TBL1X: variants seen among roughly 807,000 people sequenced by gnomAD.
TBL1X encodes transducin beta like 1 X-linked.
Under a neutral mutation model 50.7 loss-of-function variants are expected in TBL1X, and 10 were observed. That is an observed-to-expected ratio of 0.20 (90% CI 0.12 to 0.33). The LOEUF is 0.33. Among genes scored for constraint, TBL1X ranks in the 10% least tolerant of loss-of-function variants. The pLI is 1.00. For synonymous variants in TBL1X, 190 were observed against 214.7 expected (o/e 0.88, Z 1.01); for missense variants, 340 against 504.4 (o/e 0.67, Z 3.12).
chrX:9,580,558 G>C (rs1480804764), intron 2 of TBL1X, among the ~76,000 whole-genome samples: 1 of 111,567 alleles, frequency 9.0e-6, no homozygotes, highest in Non-Finnish European at 1.9e-5. Context: ...TTCCCAGCTG[G>C]ATTTTCCCTT....
chrX:9,579,853 T>A (rs1188359348), intron 2 of TBL1X, among the ~76,000 whole-genome samples: 2 of 111,144 alleles, frequency 1.8e-5, no homozygotes, highest in Non-Finnish European at 1.9e-5. Context: ...CGTGATAGAA[T>A]GTCCAAGAAA....
At chrX:9,569,272 CTATCTGTGCAG>C (rs1194587522) in intron 2 of TBL1X, among the ~76,000 whole-genome samples, 2 of 94,905 alleles carry the variant, frequency 2.1e-5, no homozygotes, top group Non-Finnish European at 4.2e-5. Context: ...GTGTGTGTGT[CTATCTGTGCAG>C]TATCTGTGCA....
At chrX:9,547,064 C>A (rs774191118) in intron 2 of TBL1X, among the ~76,000 whole-genome samples, 1 of 109,255 alleles carries the variant, frequency 9.2e-6, no homozygotes, top group African/African-American at 3.3e-5. Flanking sequence ...GTGATCCGCC[C>A]GCCTCGGCCT....
intron 2 of TBL1X, among the ~76,000 whole-genome samples, chrX:9,593,113 C>G: frequency 9.0e-6 from 1 of 111,420 alleles, no homozygotes; most frequent in Non-Finnish European, 1.9e-5. Context: ...TAATAATGTT[C>G]ACCTGGGGTC....
At chrX:9,508,746 A>ACTATG (rs1443916251) in intron 2 of TBL1X, among the ~76,000 whole-genome samples, 1 of 112,177 alleles carries the variant, frequency 8.9e-6, no homozygotes, top group African/African-American at 3.2e-5. Flanking sequence ...ATCATGGAAT[A>ACTATG]CTATGCAGCC....
chrX:9,505,130 G>A (rs958939202), intron 2 of TBL1X, among the ~76,000 whole-genome samples: 14 of 111,995 alleles, frequency 1.3e-4, no homozygotes, highest in African/African-American at 4.2e-4. Flanking sequence ...AACTCTACAA[G>A]CCAGAAGAGA....
At chrX:9,476,402 C>T (rs1413981760) in intron 1 of TBL1X, among the ~76,000 whole-genome samples, 1 of 112,463 alleles carries the variant, frequency 8.9e-6, no homozygotes, top group African/African-American at 3.2e-5. Flanking sequence ...AACTGGAATC[C>T]TCTCCTGTCT....
intron 2 of TBL1X, among the ~76,000 whole-genome samples, chrX:9,590,131 T>C (rs762979036): frequency 8.9e-6 from 1 of 112,018 alleles, no homozygotes; most frequent in African/African-American, 3.2e-5. Flanking sequence ...GTGCTGACTA[T>C]AGGAATGTGG....
chrX:9,476,266 G>A (rs969964609), intron 1 of TBL1X, among the ~76,000 whole-genome samples: 1 of 111,764 alleles, frequency 8.9e-6, no homozygotes, highest in African/African-American at 3.3e-5. Flanking sequence ...GTATATTTGG[G>A]AATATACCTT....
intron 5 of TBL1X, among the ~76,000 whole-genome samples, chrX:9,666,130 CCT>C (rs1014031071): frequency 9.0e-6 from 1 of 111,563 alleles, no homozygotes; most frequent in Non-Finnish European, 1.9e-5. Context: ...ATTGCATTCC[CCT>C]CTTTTTGGGG....
chrX:9,482,140 A>G (rs1232110205), intron 1 of TBL1X, among the ~76,000 whole-genome samples: 1 of 112,038 alleles, frequency 8.9e-6, no homozygotes, highest in Non-Finnish European at 1.9e-5. Flanking sequence ...ACAAGTCCCA[A>G]ACTAATGCTT....
intron 2 of TBL1X, among the ~76,000 whole-genome samples, chrX:9,608,898 G>A (rs1227853484): frequency 9.1e-6 from 1 of 110,014 alleles, no homozygotes; most frequent in Non-Finnish European, 1.9e-5. Context: ...AGGTTAAGTG[G>A]AGGCCTTGGG....
chrX:9,705,397 AG>A (rs1349248496), intron 13 of TBL1X, among the ~76,000 whole-genome samples: 1 of 111,751 alleles, frequency 8.9e-6, no homozygotes, highest in Non-Finnish European at 1.9e-5. Context: ...CATCAAGGAA[AG>A]GATGCTCACA....
At chrX:9,569,566 C>G (rs1418860446) in intron 2 of TBL1X, among the ~76,000 whole-genome samples, 1 of 111,899 alleles carries the variant, frequency 8.9e-6, no homozygotes, top group Non-Finnish European at 1.9e-5. Flanking sequence ...CCTGTAGTCC[C>G]AGCACTTGAG....
intron 2 of TBL1X, among the ~76,000 whole-genome samples, chrX:9,574,459 GAAAAAAAAA>G (rs376384853): frequency 1.0e-4 from 3 of 30,120 alleles, no homozygotes; most frequent in East Asian, 1.4e-3. Context: ...TGTCTCAAAT[GAAAAAAAAA>G]AAAAAAAAAA....
rs892551657 is a variant in TBL1X, at chrX:9,466,533, A to G, written c.-201+1086A>G. On this transcript the variant is annotated intron_variant, in intron 1 of 17. Coordinates refer to ENST00000645353, the MANE Select transcript of TBL1X (RefSeq NM_005647.4). ...AAAAAGAAACAAAAACCTACCCTCT[A>G]TTGTATTTGCAACTGTTTCTGCTTT... Among the ~76,000 whole-genome samples the G allele has an allele frequency of 3.6e-5, 4 of 112,237 alleles. No homozygotes were observed. In the East Asian group the frequency reaches 8.4e-4, roughly 24 times the overall value.
intron 2 of TBL1X, among the ~76,000 whole-genome samples, chrX:9,628,658 C>G (rs182017119): frequency 9.8e-4 from 107 of 109,738 alleles, no homozygotes; most frequent in African/African-American, 3.5e-3. Context: ...AATAATTATC[C>G]TGCCTCAGCC....
intron 1 of TBL1X, among the ~76,000 whole-genome samples, chrX:9,492,891 GT>G (rs750684769): frequency 0.093 from 2,635 of 28,417 alleles, 198 homozygotes; most frequent in Non-Finnish European, 0.14. Flanking sequence ...GTGTGTGTGT[GT>G]GTGTGTAGGG....
intron 5 of TBL1X, among the ~76,000 whole-genome samples, chrX:9,661,740 G>A (rs2082900040): frequency 9.0e-6 from 1 of 111,239 alleles, no homozygotes; most frequent in Non-Finnish European, 1.9e-5. Flanking sequence ...TCCAAAAAGA[G>A]TACCTGGCAG....
Sources: allele counts gnomAD v4.1 joint callset (sites outside exome capture counted in the v4.1 genomes callset), GRCh38; gene constraint gnomAD v4.1.1; transcripts MANE v1.5; gene names NCBI Gene and HGNC (gene_info 2026-07-23, HGNC 2026-07-21).